Variants in HMCN1 observed in about 807,000 individuals in gnomAD.
The protein encoded by HMCN1 is hemicentin-1.
A neutral mutation model predicts 625.9 loss-of-function variants in HMCN1; 321 were observed. The observed-to-expected ratio is 0.51, with a 90% CI of 0.47 to 0.56. The LOEUF is 0.56. Among genes scored for constraint, HMCN1 ranks in the 20% least tolerant of loss-of-function variants. The pLI is 0.00. For missense variants in HMCN1, 6,588 were observed against 6,887.3 expected, an observed-to-expected ratio of 0.96 and a Z score of 1.54; for synonymous variants, 2,425 against 2,417.6, an observed-to-expected ratio of 1.00 and a Z score of -0.09.
At chr1:186,068,293 A>T (rs1226401791) in intron 50 of HMCN1, among the ~76,000 whole-genome samples, 9 of 152,212 alleles carry the variant, frequency 5.9e-5, no homozygotes, top group African/African-American at 2.2e-4. Context: ...AAAATATATT[A>T]TAATATGAAT....
chr1:186,146,549 A>G (rs1650329810), intron 93 of HMCN1, among the ~76,000 whole-genome samples: 1 of 152,200 alleles, frequency 6.6e-6, no homozygotes. Context: ...AAGTGTCAAG[A>G]TATCAGTTAG....
intron 97 of HMCN1, among the ~76,000 whole-genome samples, chr1:186,159,453 T>C (rs1369723170): frequency 6.6e-6 from 1 of 152,122 alleles, no homozygotes; most frequent in South Asian, 2.1e-4. Flanking sequence ...CTTCCAACAC[T>C]ATGTTGAATA....
intron 1 of HMCN1, among the ~76,000 whole-genome samples, chr1:185,821,358 T>G (rs1660175547): frequency 6.6e-6 from 1 of 152,110 alleles, no homozygotes. Flanking sequence ...TTGACATATG[T>G]TTGATGCAAG....
chr1:185,810,654 TTGTGTGTGTGTGTGTG>T (rs34235221), intron 1 of HMCN1, among the ~76,000 whole-genome samples: 2 of 147,678 alleles, frequency 1.4e-5, no homozygotes, highest in South Asian at 2.2e-4. Context: ...AATATCAACT[TTGTGTGTGTGTGTGTG>T]TGTGTGTGTG....
rs1478420223 is a variant in HMCN1 at position 185,922,503 on chromosome 1, T to G, written c.1021+4T>G. 1 of 1,606,720 alleles carries G rather than the reference T, an allele frequency of 6.2e-7. No homozygotes were observed. The highest frequency in any genetic ancestry group is 1.7e-5 in the Admixed American group (1 of 59,238). ...ACAGTCAGCAGACCAGTGCAAGGTTTGTATGTGCATATTATTTAAATTGAC... is the reference window on the plus strand; with the variant it reads ...ACAGTCAGCAGACCAGTGCAAGGTTGGTATGTGCATATTATTTAAATTGAC... On this transcript the variant is annotated splice_donor_region_variant and intron_variant, in intron 7 of 106. Transcript: ENST00000271588.
chr1:186,072,761 A>C (rs1246857665), intron 52 of HMCN1, among the ~76,000 whole-genome samples: 4 of 152,222 alleles, frequency 2.6e-5, no homozygotes, highest in Non-Finnish European at 2.9e-5. Flanking sequence ...TTTGGGCTGA[A>C]GTGCAGTGAC....
At chr1:186,052,617 T>C (rs1657035025) in intron 42 of HMCN1, among the ~76,000 whole-genome samples, 1 of 152,088 alleles carries the variant, frequency 6.6e-6, no homozygotes, top group East Asian at 1.9e-4. Flanking sequence ...GTAGGTACTT[T>C]AGCTTTTTGA....
chr1:185,978,339 T>C (rs1651375275), intron 16 of HMCN1, among the ~76,000 whole-genome samples: 1 of 152,172 alleles, frequency 6.6e-6, no homozygotes, highest in Admixed American at 6.6e-5. Flanking sequence ...AATATTACTA[T>C]TAGTTAACTT....
At chr1:185,793,195 TA>T (rs1195027627) in intron 1 of HMCN1, among the ~76,000 whole-genome samples, 1 of 152,236 alleles carries the variant, frequency 6.6e-6, no homozygotes, top group Non-Finnish European at 1.5e-5. Context: ...TTAGAGGCTT[TA>T]AACAATACTA....
Position 186,181,775 on chromosome 1 carries a change from T to C in HMCN1, c.16295-393T>C, listed in dbSNP as rs575267380. On this transcript the variant is annotated intron_variant, in intron 104 of 106. Coordinates refer to ENST00000271588, the MANE Select transcript of HMCN1 (RefSeq NM_031935.3). ...TAGTCCTTTTTGCAAGTAATCTCAA[T>C]AGGAATATTGTATTTCAGGTAATTT... Among the ~76,000 whole-genome samples the C allele has an allele frequency of 2.2e-4, 33 of 152,220 alleles. No individual in the cohort carries two copies. In the South Asian group the frequency reaches 6.6e-3, roughly 31 times the overall value.
intron 15 of HMCN1, among the ~76,000 whole-genome samples, chr1:185,972,267 A>G (rs550962560): frequency 1.3e-5 from 2 of 152,244 alleles, no homozygotes; most frequent in South Asian, 2.1e-4. Context: ...TAGAAATCCT[A>G]AGAATCTTTT....
intron 82 of HMCN1, 33 bp from the exon 83 acceptor site, chr1:186,128,045 T>C (rs753334526): frequency 2.5e-6 from 4 of 1,582,574 alleles, no homozygotes; most frequent in East Asian, 2.3e-5. Flanking sequence ...TGGATGATTA[T>C]GAAATTTTAA....
intron 69 of HMCN1, 134 bp from the exon 70 acceptor site, chr1:186,106,750 C>T (rs1571359567): frequency 4.2e-6 from 3 of 708,714 alleles, no homozygotes; most frequent in African/African-American, 3.5e-5. Flanking sequence ...GAGTGCTAAT[C>T]GTAGTGTTAA....
chr1:185,745,514 T>C (rs1192332766), intron 1 of HMCN1, among the ~76,000 whole-genome samples: 1 of 151,626 alleles, frequency 6.6e-6, no homozygotes, highest in African/African-American at 2.4e-5. Context: ...AGGCTGTCTG[T>C]AGTCAGACTG....
chr1:185,803,188 C>CAAA (rs1245942461), intron 1 of HMCN1, among the ~76,000 whole-genome samples: 2 of 33,808 alleles, frequency 5.9e-5, no homozygotes, highest in East Asian at 9.2e-4. Context: ...TTAGCAGAAC[C>CAAA]AAAAAAAAAA....
rs1311011978 is a variant in HMCN1 at position 185,868,265 on chromosome 1, G to T, written c.621+2402G>T. Among the ~76,000 whole-genome samples, 3 of 152,066 alleles carry T rather than the reference G, an allele frequency of 2.0e-5. No individual in the cohort carries two copies. The East Asian group carries it at 5.8e-4, about 29-fold the overall frequency. ...ACTGAAATAATATAGTGCCTTAAAT[G>T]GAGAAACTAAGCCCTATAGAGAAAC... is the stretch of plus-strand genomic sequence containing the variant. On this transcript the variant is annotated intron_variant, in intron 4 of 106. Transcript: ENST00000271588.
At chr1:186,078,779 T>C (rs1184915825) in intron 55 of HMCN1, among the ~76,000 whole-genome samples, 1 of 152,212 alleles carries the variant, frequency 6.6e-6, no homozygotes, top group Non-Finnish European at 1.5e-5. Flanking sequence ...GAGGTTGCAA[T>C]GTTCTAATTG....
chr1:186,050,257 AC>A (rs1558176487), intron 42 of HMCN1, among the ~76,000 whole-genome samples: 1 of 151,918 alleles, frequency 6.6e-6, no homozygotes, highest in Admixed American at 6.6e-5. Context: ...TATTTGAGGT[AC>A]CTGTGGACTA....
chr1:186,189,939 CT>C lies in HMCN1; in HGVS notation c.*63del. On this transcript the variant is annotated 3_prime_UTR_variant, in exon 107 of 107. Transcript: ENST00000271588. ...GCATTAATCATGGCAATCAAGCCCC[CT>C]TCCAGATTACTGTCTCTTGAACAGT... 6.3e-7 allele frequency: 1 copy of C among 1,583,816 alleles called. No individual in the cohort carries two copies. The highest frequency in any genetic ancestry group is 8.6e-7 in the Non-Finnish European group (1 of 1,159,222).
Sources: allele counts gnomAD v4.1 joint callset (sites outside exome capture counted in the v4.1 genomes callset), GRCh38; gene constraint gnomAD v4.1.1; transcripts MANE v1.5; gene names NCBI Gene and HGNC (gene_info 2026-07-23, HGNC 2026-07-21).